The following ALKBH4 variants were observed in gnomAD, a reference collection of about 807,000 sequenced individuals.
ALKBH4 encodes alkB homolog 4, lysine demethylase, also known as alpha-ketoglutarate-dependent dioxygenase alkB homolog 4.
A neutral mutation model predicts 12.1 loss-of-function variants in ALKBH4; 8 were observed. The observed-to-expected ratio is 0.66, with a 90% confidence interval of 0.39 to 1.19. The LOEUF is 1.19. ALKBH4 is among the 50% of genes most tolerant of loss of function. The pLI, the probability that ALKBH4 is intolerant of heterozygous loss-of-function variation, is 0.01. For synonymous variants in ALKBH4, 195 were observed against 191.6 expected (o/e 1.02, Z -0.15); for missense variants, 403 against 430.4 (o/e 0.94, Z 0.56).
rs1288827701 is a variant in ALKBH4 at position 102,457,973 on chromosome 7, G to A, written c.330C>T (p.Gly110=). ...TCTGTTTCCGAAAGTTGACTTTGGG[G>A]CCATAGTCCTGAAGGATGAAGACAA... The part of the protein sequence containing the change: ...SQSGRRKQDY[G]PKVNFRKQKL... Residue 110 remains glycine (G), a synonymous_variant, in exon 3 of 3, where the codon GGC becomes GGT. Transcript: ENST00000292566. This position sits in a 1 kb window ranked among gnomAD's most constrained non-coding sequence, Gnocchi z 5.9. The A allele has an allele frequency of 1.2e-6, 2 of 1,607,034 alleles. No homozygotes were observed. Among genetic ancestry groups the A allele is most frequent in the Admixed American group, 1.7e-5 (1 of 59,650 alleles).
At position 102,458,682 on chromosome 7, in the gene ALKBH4, G is replaced by A. The variant is rs553419794; in HGVS notation, c.322-701C>T. 2.7e-5 allele frequency among the ~76,000 whole-genome samples: 4 copies of A among 149,274 alleles called. No homozygotes were observed. The South Asian group carries it at 8.4e-4, about 31-fold the overall frequency. On this transcript the variant is annotated intron_variant, in intron 2 of 2. Transcript: ENST00000292566. ...GAGCCTGGGGGGTCAAGGCTGCGGT[G>A]AGCCAATATCACATATTGCACTCCA...
At position 102,459,697 on chromosome 7, in the gene ALKBH4, G is replaced by T. The variant is rs1417189759; in HGVS notation, c.228C>A (p.Ile76=). 1.9e-6 allele frequency: 3 copies of T among 1,614,062 alleles called. No homozygotes were observed. The highest frequency in any genetic ancestry group is 2.5e-6 in the Non-Finnish European group (3 of 1,180,040). The change falls in exon 2 of 3, where the codon ATC becomes ATA. Residue 76 remains isoleucine (I), a synonymous_variant. Coordinates refer to ENST00000292566, the MANE Select transcript of ALKBH4 (RefSeq NM_017621.4). The part of the protein sequence containing the change: ...WAFPFPGVML[I]EDFVTREEEA... ...CTTCCTCCCGGGTCACAAAGTCCTC[G>T]ATCAGCATCACTCCTGGGAAGGGGA...
chr7:102,464,305 A>G (rs1797883044), intron 1 of ALKBH4, among the ~76,000 whole-genome samples: 1 of 152,012 alleles, frequency 6.6e-6, no homozygotes. Context: ...GCGATCCTTG[A>G]GTTCCTTTTC....
chr7:102,462,324 C>T (rs73712495), intron 1 of ALKBH4, among the ~76,000 whole-genome samples: 1,893 of 152,290 alleles, frequency 0.012, 33 homozygotes, highest in African/African-American at 0.043. Context: ...AAGATGTCAC[C>T]TCCACATGGC....
At chr7:102,461,684 A>G (rs1797799364) in intron 1 of ALKBH4, among the ~76,000 whole-genome samples, 1 of 152,188 alleles carries the variant, frequency 6.6e-6, no homozygotes, top group Non-Finnish European at 1.5e-5. Context: ...TTTAAAAAAG[A>G]GTTTCGCCAA....
In ALKBH4 at chr7:102,459,494, C is replaced by G; in HGVS notation, c.321+110G>C. 3 of 1,381,610 alleles carry G rather than the reference C, an allele frequency of 2.2e-6. No homozygotes were observed. The South Asian group carries it at 4.2e-5, about 19-fold the overall frequency. The allele number at this position is 1,381,610 out of a possible 1,614,324, so 85.6% of individuals were successfully genotyped here. On this transcript the variant is annotated intron_variant, in intron 2 of 2. Coordinates refer to ENST00000292566, the MANE Select transcript of ALKBH4 (RefSeq NM_017621.4). ...AAGGTCTGGGGAACTCGCCCACTAC[C>G]AACCCTGGAGGTTTGAGGGGTGTGG...
intron 1 of ALKBH4, among the ~76,000 whole-genome samples, chr7:102,460,773 C>T (rs1403949832): frequency 6.6e-6 from 1 of 152,162 alleles, no homozygotes; most frequent in African/African-American, 2.4e-5. Context: ...ACCCCGGTGT[C>T]CCAGGGGTTG....
rs533366262 is a variant in ALKBH4 at position 102,464,839 on chromosome 7, C to A, written c.-3G>T. 27 of 1,510,138 alleles carry A rather than the reference C, an allele frequency of 1.8e-5. No homozygotes were observed. In the South Asian group the frequency reaches 3.0e-4, roughly 17 times the overall value. 93.5% of individuals were successfully genotyped at this position (1,510,138 alleles called of 1,614,324 possible). On this transcript the variant is annotated 5_prime_UTR_variant, in exon 1 of 3. Coordinates refer to ENST00000292566, the MANE Select transcript of ALKBH4 (RefSeq NM_017621.4). ...GTCTCGGCGGCAGCCGCCGCCATCG[C>A]GCCGTCCGCGTGGCCAGTGCGCAGG...
chr7:102,461,750 T>C (rs1216332300), intron 1 of ALKBH4, among the ~76,000 whole-genome samples: 1 of 152,190 alleles, frequency 6.6e-6, no homozygotes, highest in Non-Finnish European at 1.5e-5. Context: ...GATTATCTAG[T>C]TTCATCCCCA....
rs1211553915 is a variant in ALKBH4 at position 102,459,612 on chromosome 7, T to A, written c.313A>T (p.Arg105Trp). 1.2e-6 allele frequency: 2 copies of A among 1,613,254 alleles called. No homozygotes were observed. Among genetic ancestry groups the A allele is most frequent in the Admixed American group, 3.3e-5 (2 of 59,902 alleles). ...GCTCAGGGCCGGTCTACCTGCTTCC[T>A]CCGTCCAGACTGGGAGAGCTTCCAG... Reference protein sequence around the residue: ...DPWKLSQSGRRKQDYGPKVNF... With the variant: ...DPWKLSQSGRWKQDYGPKVNF... The change falls in exon 2 of 3, where the codon AGG (arginine) becomes TGG (tryptophan). Residue 105 changes from arginine to tryptophan, a missense_variant. By Grantham distance (101) the Arg-to-Trp change is moderately radical. Coordinates refer to ENST00000292566, the MANE Select transcript of ALKBH4 (RefSeq NM_017621.4).
In ALKBH4 at chr7:102,457,614, A is replaced by G; in HGVS notation, c.689T>C (p.Val230Ala). The G allele has an allele frequency of 1.3e-6, 2 of 1,596,422 alleles. No individual in the cohort carries two copies. Among genetic ancestry groups the G allele is most frequent in the Non-Finnish European group, 1.7e-6 (2 of 1,176,722 alleles). The change falls in exon 3 of 3, where the codon GTG becomes GCG. Residue 230 changes from valine (V) to alanine (A), a missense_variant. Coordinates refer to ENST00000292566, the MANE Select transcript of ALKBH4 (RefSeq NM_017621.4). The surrounding 1 kb of genome is among the most constrained non-coding windows in gnomAD (Gnocchi z 5.9). ...GGCGGGTAAGGGGATGGCCACCTCC[A>G]CCTCCTGGCATAGCACCGACCGGCT... The part of the protein sequence containing the change: ...APSRSVLCQE[V>A]EVAIPLPARS...
intron 1 of ALKBH4, 40 bp downstream of exon 1, chr7:102,464,674 G>A (rs1797896439): frequency 6.7e-7 from 1 of 1,489,428 alleles, no homozygotes; most frequent in Non-Finnish European, 8.9e-7. Flanking sequence ...CCCAGATGCA[G>A]AGCGACGTTT....
chr7:102,457,308 T>C lies in ALKBH4; in HGVS notation c.*86A>G, dbSNP rs934631563. The C allele has an allele frequency of 6.9e-7, 1 of 1,455,538 alleles. No individual in the cohort carries two copies. Among genetic ancestry groups the C allele is most frequent in the East Asian group, 2.3e-5 (1 of 43,560 alleles). The allele number at this position is 1,455,538 out of a possible 1,614,324, so 90.2% of individuals were successfully genotyped here. ...GCATCAGGGGTCAGCCATCTTCTCT[T>C]GAAACCCCGTGAGTTGCAGGAGGCC... On this transcript the variant is annotated 3_prime_UTR_variant, in exon 3 of 3. Transcript: ENST00000292566. The surrounding 1 kb of genome is among the most constrained non-coding windows in gnomAD (Gnocchi z 5.9).
chr7:102,459,513 G>T (rs1385126075), intron 2 of ALKBH4, 91 bp downstream of exon 2: 6 of 1,458,502 alleles, frequency 4.1e-6, no homozygotes, highest in Non-Finnish European at 5.5e-6. Context: ...AGGTTTGAGG[G>T]GTGTGGCTGC....
intron 1 of ALKBH4, among the ~76,000 whole-genome samples, chr7:102,463,285 T>C (rs11487069): frequency 0.076 from 11,286 of 149,392 alleles, 465 homozygotes; most frequent in Non-Finnish European, 0.098. Context: ...AGTATTCTAC[T>C]ATGTGTATGC....
Position 102,457,709 on chromosome 7 carries a change from G to A in ALKBH4, c.594C>T (p.Pro198=), listed in dbSNP as rs775478836. Residue 198 remains proline (P), a synonymous_variant, in exon 3 of 3, where the codon CCC becomes CCT. Transcript: ENST00000292566. This position sits in a 1 kb window ranked among gnomAD's most constrained non-coding sequence, Gnocchi z 5.9. ...PTVLSMCREA[P]GSLLLCSAPS... ...GGGCCGAGCAGAGGAGCAGGCTCCC[G>A]GGCGCCTCCCGACACATGGACAGCA... The A allele has an allele frequency of 2.9e-5, 45 of 1,556,356 alleles. No individual in the cohort carries two copies. Among genetic ancestry groups the A allele is most frequent in the East Asian group, 9.4e-5 (4 of 42,442 alleles).
rs34418710 is a variant in ALKBH4, at chr7:102,458,736, C to CAAA, written c.322-758_322-756dup. 3.5e-3 allele frequency among the ~76,000 whole-genome samples: 454 copies of CAAA among 129,126 alleles called. 5 individuals carry two copies. The highest frequency in any genetic ancestry group is 0.024 in the East Asian group (107 of 4,368). 84.7% of individuals were successfully genotyped at this position (129,126 alleles called of 152,430 possible). A position where few individuals can be genotyped will look rare whatever the true frequency, so the allele number is the denominator to read the frequency against. On this transcript the variant is annotated intron_variant, in intron 2 of 2. Coordinates refer to ENST00000292566, the MANE Select transcript of ALKBH4 (RefSeq NM_017621.4). ...TGGGCGACAGAGCGAGACCCTGTCT[C>CAAA]AAAAAAAAAAAAAAAACCTGTACAC...
intron 1 of ALKBH4, among the ~76,000 whole-genome samples, chr7:102,462,841 C>T (rs1797825635): frequency 6.6e-6 from 1 of 152,178 alleles, no homozygotes; most frequent in Non-Finnish European, 1.5e-5. Flanking sequence ...CCTGTGACTA[C>T]CCTACGTAGC....
chr7:102,462,685 C>G (rs1207920526), intron 1 of ALKBH4, among the ~76,000 whole-genome samples: 1 of 152,094 alleles, frequency 6.6e-6, no homozygotes, highest in African/African-American at 2.4e-5. Context: ...CAAATTAAAA[C>G]TCTTAAGTTC....
Sources: allele counts gnomAD v4.1 joint callset (sites outside exome capture counted in the v4.1 genomes callset), GRCh38; gene constraint gnomAD v4.1.1; non-coding constraint Gnocchi (gnomAD v3.1); transcripts MANE v1.5; gene names NCBI Gene and HGNC (gene_info 2026-07-23, HGNC 2026-07-21).